The following TLK2 variants were observed in gnomAD, a reference collection of about 807,000 sequenced individuals.
The protein encoded by TLK2 is serine/threonine-protein kinase tousled-like 2.
TLK2 carries 6 observed loss-of-function variants against 117.3 expected under a neutral mutation model. The ratio of observed to expected loss-of-function variants is 0.05; its 90% CI spans 0.03 to 0.10. The LOEUF is 0.10. TLK2 is among the 10% of genes least tolerant of loss of function. TLK2 has a pLI of 1.00. For synonymous variants in TLK2, 257 were observed against 316.7 expected, an observed-to-expected ratio of 0.81 and a Z score of 2.00; for missense variants, 299 against 901.2, an observed-to-expected ratio of 0.33 and a Z score of 8.56.
chr17:62,543,502 A>G (rs777626991), intron 7 of TLK2, among the ~76,000 whole-genome samples: 1 of 151,972 alleles, frequency 6.6e-6, no homozygotes, highest in Admixed American at 6.6e-5. Context: ...AGTACTTGCT[A>G]TTGTCTCTCT....
intron 2 of TLK2, among the ~76,000 whole-genome samples, chr17:62,489,695 C>G (rs1253275048): frequency 6.6e-6 from 1 of 152,204 alleles, no homozygotes; most frequent in South Asian, 2.1e-4. Context: ...CTGCTAATAA[C>G]AGAGTTCCCA....
chr17:62,566,457 G>A (rs543685321), intron 11 of TLK2, among the ~76,000 whole-genome samples: 6 of 152,262 alleles, frequency 3.9e-5, no homozygotes, highest in Admixed American at 1.3e-4. Context: ...TAGATTAAGC[G>A]TGTTTTTGCT....
At chr17:62,497,783 C>T (rs966933375) in intron 2 of TLK2, among the ~76,000 whole-genome samples, 5 of 152,174 alleles carry the variant, frequency 3.3e-5, no homozygotes, top group African/African-American at 1.2e-4. Context: ...CAACCTCCAC[C>T]TCCCAGGATC....
At chr17:62,495,767 T>G (rs1433077291) in intron 2 of TLK2, among the ~76,000 whole-genome samples, 1 of 151,362 alleles carries the variant, frequency 6.6e-6, no homozygotes. Flanking sequence ...CAAGCGATTC[T>G]CCTGTCTCAG....
chr17:62,562,158 G>A (rs1234058654), intron 10 of TLK2, among the ~76,000 whole-genome samples: 6 of 152,108 alleles, frequency 3.9e-5, no homozygotes, highest in Non-Finnish European at 8.8e-5. Flanking sequence ...TCAAGAGTTC[G>A]AGATCAGCCT....
rs147411018 is a variant in TLK2 at position 62,488,623 on chromosome 17, A to T, written c.81+7417A>T. ...CGTGCCTCTTTCTCTGAAATTTCTG[A>T]AGTGTTTTTCTGCCCCCATTGCTAC... On this transcript the variant is annotated intron_variant, in intron 2 of 21. Transcript: ENST00000346027. 3.6e-3 allele frequency among the ~76,000 whole-genome samples: 553 copies of T among 152,090 alleles called. 2 individuals are homozygous for T. The highest frequency in any genetic ancestry group is 0.013 in the African/African-American group (522 of 41,460).
intron 15 of TLK2, 65 bp from the exon 16 acceptor site, chr17:62,586,070 C>A: frequency 8.2e-7 from 1 of 1,212,672 alleles, no homozygotes; most frequent in Non-Finnish European, 1.2e-6. Flanking sequence ...TAAATTAAAG[C>A]TTCACATCAG....
chr17:62,484,755 T>C (rs552622229), intron 2 of TLK2, among the ~76,000 whole-genome samples: 1 of 152,116 alleles, frequency 6.6e-6, no homozygotes, highest in East Asian at 1.9e-4. Context: ...TATTTCCCAA[T>C]AAGAATATCA....
At position 62,614,541 on chromosome 17, in the gene TLK2, T is replaced by C. The variant is rs148462769; in HGVS notation, c.*1976T>C. The C allele has an allele frequency of 2.0e-5, 3 of 152,322 alleles. No homozygotes were observed. The highest frequency in any genetic ancestry group is 7.2e-5 in the African/African-American group (3 of 41,568). 9.4% of individuals were successfully genotyped at this position (152,322 alleles called of 1,614,324 possible). A position where few individuals can be genotyped will look rare whatever the true frequency, so the allele number is the denominator to read the frequency against. On this transcript the variant is annotated 3_prime_UTR_variant, in exon 22 of 22. Transcript: ENST00000346027. ...TTTTCTAGGACCTTCGTTTGTTTTG[T>C]GGACCTGCCTCAGTCTCCTCAGTAT...
At chr17:62,513,286 T>C (rs1405471797) in intron 2 of TLK2, among the ~76,000 whole-genome samples, 1 of 151,668 alleles carries the variant, frequency 6.6e-6, no homozygotes, top group Non-Finnish European at 1.5e-5. Context: ...TAAAAGTCTC[T>C]TTTTTTCAAT....
At chr17:62,539,214 G>A (rs1185324563) in intron 7 of TLK2, among the ~76,000 whole-genome samples, 1 of 152,050 alleles carries the variant, frequency 6.6e-6, no homozygotes, top group African/African-American at 2.4e-5. Context: ...TATTTATTGA[G>A]GTATTGTTTA....
At chr17:62,566,968 C>G (rs557700770) in intron 11 of TLK2, among the ~76,000 whole-genome samples, 1 of 152,316 alleles carries the variant, frequency 6.6e-6, no homozygotes, top group South Asian at 2.1e-4. Flanking sequence ...TGGCTCTTGC[C>G]TGTAATCCCA....
At chr17:62,556,703 A>G (rs1296270227) in intron 9 of TLK2, among the ~76,000 whole-genome samples, 1 of 152,170 alleles carries the variant, frequency 6.6e-6, no homozygotes, top group Non-Finnish European at 1.5e-5. Flanking sequence ...GTGGGTTTAT[A>G]TATTTTTATT....
chr17:62,516,429 A>C lies in TLK2; in HGVS notation c.82-4344A>C, dbSNP rs192305052. On this transcript the variant is annotated intron_variant, in intron 2 of 21. Transcript: ENST00000346027. ...TCTTGTCGGCACCAGGTAGCACAGC[A>C]CTCCTCATATACAGACCTTTAGGCC... 5.0e-4 allele frequency: 796 copies of C among 1,590,066 alleles called. 3 individuals carry two copies. The African/African-American group carries it at 9.2e-3, about 18-fold the overall frequency.
At chr17:62,509,839 A>T (rs1328614970) in intron 2 of TLK2, among the ~76,000 whole-genome samples, 2 of 152,130 alleles carry the variant, frequency 1.3e-5, no homozygotes, top group Non-Finnish European at 2.9e-5. Flanking sequence ...AGGATGTAGG[A>T]TTCCTTCCCT....
intron 2 of TLK2, among the ~76,000 whole-genome samples, chr17:62,484,157 C>T (rs1240708938): frequency 1.3e-5 from 2 of 151,540 alleles, no homozygotes; most frequent in Admixed American, 6.6e-5. Flanking sequence ...TTTCCAGTCA[C>T]GGTAAGTATA....
intron 20 of TLK2, among the ~76,000 whole-genome samples, chr17:62,607,833 A>T (rs748813827): frequency 2.0e-5 from 3 of 152,146 alleles, no homozygotes; most frequent in Non-Finnish European, 4.4e-5. Context: ...TTGACCTGGT[A>T]GTTGAACTGT....
In TLK2 at chr17:62,589,690, T is replaced by C. The variant is rs975536708; in HGVS notation, c.1460+3464T>C. Among the ~76,000 whole-genome samples the C allele has an allele frequency of 2.0e-5, 3 of 152,322 alleles. No homozygotes were observed. In the East Asian group the frequency reaches 5.8e-4, roughly 29 times the overall value. ...AGAGAAATTGGTTTCTGCTGTAAAA[T>C]GCACAAAATCAAGAAGTTAAAACCA... On this transcript the variant is annotated intron_variant, in intron 16 of 21. Transcript: ENST00000346027.
At chr17:62,543,512 T>G (rs938512085) in intron 7 of TLK2, among the ~76,000 whole-genome samples, 2 of 152,188 alleles carry the variant, frequency 1.3e-5, no homozygotes, top group African/African-American at 4.8e-5. Context: ...ATTGTCTCTC[T>G]TTTTCATTAT....
Sources: allele counts gnomAD v4.1 joint callset (sites outside exome capture counted in the v4.1 genomes callset), GRCh38; gene constraint gnomAD v4.1.1; transcripts MANE v1.5; gene names NCBI Gene and HGNC (gene_info 2026-07-23, HGNC 2026-07-21).